IFT81: variants seen among roughly 807,000 people sequenced by gnomAD.
IFT81 encodes the protein intraflagellar transport 81.
Under a neutral mutation model 102.6 loss-of-function variants are expected in IFT81, and 72 were observed. The ratio of observed to expected loss-of-function variants is 0.70; its 90% CI spans 0.58 to 0.85. The LOEUF (loss-of-function observed/expected upper bound fraction) is 0.85. Ranked by LOEUF, IFT81 falls within the 40% of genes least tolerant of loss-of-function variation. The pLI, the probability that IFT81 is intolerant of heterozygous loss-of-function variation, is 0.00. For missense variants in IFT81, 723 were observed against 787.3 expected, an observed-to-expected ratio of 0.92 and a Z score of 0.98; for synonymous variants, 237 against 242.7, an observed-to-expected ratio of 0.98 and a Z score of 0.22.
At chr12:110,154,326 C>CAA (rs781002575) in intron 10 of IFT81, among the ~76,000 whole-genome samples, 1 of 132,376 alleles carries the variant, frequency 7.6e-6, no homozygotes, top group Non-Finnish European at 1.6e-5. Context: ...GACACTATCT[C>CAA]AAAAAAAAAA....
At chr12:110,165,468 C>A (rs1221839509) in intron 11 of IFT81, among the ~76,000 whole-genome samples, 1 of 152,090 alleles carries the variant, frequency 6.6e-6, no homozygotes, top group African/African-American at 2.4e-5. Context: ...CTTTGCCCCC[C>A]ATCTGTTAAA....
rs1226476307 is a variant in IFT81 at position 110,209,172 on chromosome 12, G to C, written c.1804G>C (p.Glu602Gln). 3 of 1,535,832 alleles carry C rather than the reference G, an allele frequency of 2.0e-6. No individual in the cohort carries two copies. In the Admixed American group the frequency reaches 5.2e-5, roughly 27 times the overall value. The stretch of plus-strand genomic sequence containing the variant: ...TAAATCATTATGTTGACTCCCTAGG[G>C]AACAGTATACCAAAAATACTGCTGA... ...DQQEKRKAIR[E>Q]QYTKNTAEQE... Residue 602 changes from glutamate to glutamine, a missense_variant and splice_region_variant, in exon 18 of 19, where the codon GAA becomes CAA. Coordinates refer to ENST00000242591, the MANE Select transcript of IFT81 (RefSeq NM_014055.4).
chr12:110,131,329 AT>A (rs1040804971), intron 4 of IFT81, among the ~76,000 whole-genome samples: 1 of 151,638 alleles, frequency 6.6e-6, no homozygotes, highest in Non-Finnish European at 1.5e-5. Context: ...AGGTAACAGG[AT>A]TTTTTTCATT....
intron 11 of IFT81, among the ~76,000 whole-genome samples, chr12:110,169,560 G>A (rs1304587859): frequency 6.6e-6 from 1 of 152,126 alleles, no homozygotes; most frequent in Non-Finnish European, 1.5e-5. Context: ...TACCACTTGA[G>A]CTTTCTTCAG....
intron 10 of IFT81, among the ~76,000 whole-genome samples, chr12:110,151,941 A>G (rs1895558053): frequency 6.6e-6 from 1 of 152,160 alleles, no homozygotes; most frequent in Non-Finnish European, 1.5e-5. Flanking sequence ...TTCATTTAAC[A>G]TAGTGTCCTT....
chr12:110,212,256 A>C (rs1339837317), intron 18 of IFT81, among the ~76,000 whole-genome samples: 1 of 151,962 alleles, frequency 6.6e-6, no homozygotes, highest in Non-Finnish European at 1.5e-5. Flanking sequence ...AAAAAAAAAA[A>C]AAAACTTGGC....
At chr12:110,142,878 G>T (rs1894983263) in intron 8 of IFT81, among the ~76,000 whole-genome samples, 1 of 152,052 alleles carries the variant, frequency 6.6e-6, no homozygotes, top group Non-Finnish European at 1.5e-5. Context: ...ACTCTAGCCT[G>T]GGTGACAGAG....
rs913889594 is a variant in IFT81 at position 110,218,528 on chromosome 12, T to G, written c.*302T>G. 1.0e-5 allele frequency: 2 copies of G among 194,346 alleles called. No homozygotes were observed. Among genetic ancestry groups the G allele is most frequent in the Non-Finnish European group, 2.1e-5 (2 of 96,580 alleles). 12.0% of individuals were successfully genotyped at this position (194,346 alleles called of 1,614,324 possible). On this transcript the variant is annotated 3_prime_UTR_variant, in exon 19 of 19. Transcript: ENST00000242591. ...CATATGTCCATTAAGAAACATGTAGTTTTTTTTTAGAATGTAATAACCCAG... is the reference window on the plus strand; with the variant it reads ...CATATGTCCATTAAGAAACATGTAGGTTTTTTTTAGAATGTAATAACCCAG...
At chr12:110,199,669 G>A (rs750068915) in intron 14 of IFT81, among the ~76,000 whole-genome samples, 1 of 152,118 alleles carries the variant, frequency 6.6e-6, no homozygotes, top group Non-Finnish European at 1.5e-5. Context: ...AGAGCCTTGG[G>A]TGTCTGTAAG....
Position 110,218,484 on chromosome 12 carries a change from T to C in IFT81, c.*258T>C. 6.8e-6 allele frequency: 2 copies of C among 292,134 alleles called. No homozygotes were observed. The highest frequency in any genetic ancestry group is 1.9e-3 in the Middle Eastern group (2 of 1,040). The allele number at this position is 292,134 out of a possible 1,614,324, so 18.1% of individuals were successfully genotyped here. On this transcript the variant is annotated 3_prime_UTR_variant, in exon 19 of 19. Coordinates refer to ENST00000242591, the MANE Select transcript of IFT81 (RefSeq NM_014055.4). ...GTTTTATGAGACAGGAAACTAAGTT[T>C]ACTATCTGTAAATGTAAACATATGT...
chr12:110,207,546 G>T (rs990470215), intron 17 of IFT81, among the ~76,000 whole-genome samples: 3 of 143,950 alleles, frequency 2.1e-5, no homozygotes, highest in Non-Finnish European at 4.5e-5. Context: ...TTTACCCCTC[G>T]TCCTTCAGTC....
intron 10 of IFT81, among the ~76,000 whole-genome samples, chr12:110,160,901 T>G (rs1271064941): frequency 6.6e-6 from 1 of 152,174 alleles, no homozygotes; most frequent in Non-Finnish European, 1.5e-5. Context: ...TCTAATTGCT[T>G]TCTCATGTCT....
intron 10 of IFT81, among the ~76,000 whole-genome samples, chr12:110,153,686 C>A (rs1052284381): frequency 4.0e-5 from 6 of 149,970 alleles, no homozygotes; most frequent in Admixed American, 6.7e-5. Context: ...TCTTGGCTCA[C>A]CGCAACCTCC....
chr12:110,180,681 C>T, intron 12 of IFT81, 110 bp downstream of exon 12: 1 of 705,310 alleles, frequency 1.4e-6, no homozygotes, highest in Non-Finnish European at 2.2e-6. Flanking sequence ...AAAAGTATTA[C>T]TTTTCTCTGA....
At chr12:110,189,126 A>G (rs554132484) in intron 12 of IFT81, among the ~76,000 whole-genome samples, 1 of 151,936 alleles carries the variant, frequency 6.6e-6, no homozygotes, top group Non-Finnish European at 1.5e-5. Context: ...TAACACTCCT[A>G]TTCCTATTCT....
intron 8 of IFT81, among the ~76,000 whole-genome samples, chr12:110,141,794 C>T (rs991169587): frequency 1.3e-5 from 2 of 152,090 alleles, no homozygotes; most frequent in East Asian, 1.9e-4. Flanking sequence ...GCAGGAGAAT[C>T]GCTTGAACCC....
intron 11 of IFT81, among the ~76,000 whole-genome samples, chr12:110,177,338 A>C (rs148680397): frequency 0.017 from 2,565 of 152,280 alleles, 34 homozygotes; most frequent in South Asian, 0.054. Flanking sequence ...GCTGGAGTGC[A>C]GTGGCACAAT....
intron 8 of IFT81, 88 bp from the exon 9 acceptor site, chr12:110,143,294 G>A (rs187358812): frequency 3.0e-5 from 23 of 758,664 alleles, no homozygotes; most frequent in South Asian, 2.2e-4. Flanking sequence ...CAAATATGCC[G>A]TATCCAGGTC....
chr12:110,140,312 C>T (rs956916598), intron 8 of IFT81, among the ~76,000 whole-genome samples: 17 of 152,056 alleles, frequency 1.1e-4, no homozygotes, highest in Admixed American at 2.6e-4. Context: ...TTTTGACATA[C>T]GCATACACTG....
Sources: allele counts gnomAD v4.1 joint callset (sites outside exome capture counted in the v4.1 genomes callset), GRCh38; gene constraint gnomAD v4.1.1; transcripts MANE v1.5; gene names NCBI Gene and HGNC (gene_info 2026-07-23, HGNC 2026-07-21).